The following EGFL6 variants were observed in gnomAD, a reference collection of about 807,000 sequenced individuals.
EGFL6 encodes the protein EGF like domain multiple 6.
In EGFL6, 42 loss-of-function variants were observed where a neutral mutation model predicts 43.1. The ratio of observed to expected loss-of-function variants is 0.98; its 90% CI spans 0.76 to 1.26. The LOEUF (loss-of-function observed/expected upper bound fraction) is 1.26. Ranked by LOEUF, EGFL6 falls within the 50% of genes most tolerant of loss-of-function variation. The probability of loss-of-function intolerance (pLI) is 0.00; values close to 1 mark genes in which losing one functional copy is unlikely to be tolerated. For missense variants in EGFL6, 429 were observed against 427.8 expected (o/e 1.00, Z -0.02); for synonymous variants, 164 against 163.2 (o/e 1.01, Z -0.04).
In EGFL6 at chrX:13,633,259, G is replaced by T; in HGVS notation, c.*164G>T. The T allele has an allele frequency of 2.5e-6, 1 of 400,321 alleles. No individual in the cohort carries two copies. Among genetic ancestry groups the T allele is most frequent in the Non-Finnish European group, 4.2e-6 (1 of 237,122 alleles). 33.0% of individuals were successfully genotyped at this position (400,321 alleles called of 1,213,427 possible). On this transcript the variant is annotated 3_prime_UTR_variant, in exon 12 of 12. Coordinates refer to ENST00000361306, the MANE Select transcript of EGFL6 (RefSeq NM_015507.4). ...TCTTGTATAAGATATGCCAATATTT[G>T]CTTTAAATATCATATCACTGTATCT...
chrX:13,570,482 G>A (rs151007856), intron 1 of EGFL6, among the ~76,000 whole-genome samples: 2,046 of 111,781 alleles, frequency 0.018, 40 homozygotes, highest in East Asian at 0.064. Context: ...TAGGGTTGAT[G>A]AACTGGAAAG....
intron 3 of EGFL6, chrX:13,596,650 C>G (rs745731688): frequency 9.0e-6 from 1 of 111,586 alleles, no homozygotes; most frequent in African/African-American, 3.3e-5. Context: ...ATCCTCTCGC[C>G]TCAGACTCCT....
At chrX:13,626,955 A>C in intron 10 of EGFL6, 56 bp from the exon 11 acceptor site, 2 of 1,158,081 alleles carry the variant, frequency 1.7e-6, no homozygotes, top group Middle Eastern at 4.8e-4. Context: ...TATACATTAA[A>C]GCCAAACTCC....
At chrX:13,610,106 A>G (rs1264860111) in intron 7 of EGFL6, among the ~76,000 whole-genome samples, 1 of 112,348 alleles carries the variant, frequency 8.9e-6, no homozygotes, top group Non-Finnish European at 1.9e-5. Context: ...GCACCACTGG[A>G]CAAGAGTATG....
intron 1 of EGFL6, among the ~76,000 whole-genome samples, chrX:13,583,422 G>T (rs886202626): frequency 9.0e-6 from 1 of 111,195 alleles, no homozygotes; most frequent in African/African-American, 3.3e-5. Context: ...TGCCCCTTTG[G>T]TAGGGTCATA....
intron 3 of EGFL6, among the ~76,000 whole-genome samples, chrX:13,595,621 G>A (rs1338680843): frequency 8.9e-6 from 1 of 111,855 alleles, no homozygotes; most frequent in Non-Finnish European, 1.9e-5. Context: ...ATTGTTCTCT[G>A]CATAGCCCTG....
Position 13,603,370 on chromosome X carries a change from G to A in EGFL6, c.454G>A (p.Glu152Lys). Residue 152 changes from glutamate (E) to lysine (K), a missense_variant, in exon 5 of 12, where the codon GAA (glutamate) becomes AAA (lysine). Coordinates refer to ENST00000361306, the MANE Select transcript of EGFL6 (RefSeq NM_015507.4). Reference protein sequence around the residue: ...NCQYSCEDTEEGPQCLCPSSG... With the variant: ...NCQYSCEDTEKGPQCLCPSSG... The stretch of plus-strand genomic sequence containing the variant: ...TCAGTACAGCTGTGAAGACACAGAA[G>A]AAGGGCCACAGTGCCTGTGTCCATC... The A allele has an allele frequency of 8.3e-7, 1 of 1,210,769 alleles. No individual in the cohort carries two copies. Among genetic ancestry groups the A allele is most frequent in the South Asian group, 1.8e-5 (1 of 56,819 alleles).
intron 1 of EGFL6, among the ~76,000 whole-genome samples, chrX:13,577,763 A>G (rs2045482107): frequency 8.9e-6 from 1 of 112,444 alleles, no homozygotes; most frequent in African/African-American, 3.2e-5. Flanking sequence ...AATCTTAGGT[A>G]ATAAGCCCAG....
chrX:13,617,263 A>G (rs1012940943), intron 7 of EGFL6, among the ~76,000 whole-genome samples: 3 of 112,197 alleles, frequency 2.7e-5, no homozygotes, highest in Non-Finnish European at 5.6e-5. Context: ...ACCATAAGTC[A>G]CCATTTTTGT....
At chrX:13,597,099 A>G (rs1254813674) in intron 3 of EGFL6, among the ~76,000 whole-genome samples, 1 of 112,071 alleles carries the variant, frequency 8.9e-6, no homozygotes, top group Non-Finnish European at 1.9e-5. Context: ...GCCGCTAAAC[A>G]TCCTGCAGTG....
intron 3 of EGFL6, 67 bp downstream of exon 3, chrX:13,594,995 G>T: frequency 1.2e-6 from 1 of 829,233 alleles, no homozygotes; most frequent in Non-Finnish European, 1.7e-6. Context: ...GACTCAATAT[G>T]GTACGCAGGA....
At chrX:13,620,732 G>T (rs926851840) in intron 9 of EGFL6, among the ~76,000 whole-genome samples, 1 of 111,125 alleles carries the variant, frequency 9.0e-6, no homozygotes, top group Non-Finnish European at 1.9e-5. Context: ...TTGTACAGGG[G>T]GTAAGCTACG....
chrX:13,604,999 C>G (rs2045652072), intron 5 of EGFL6, among the ~76,000 whole-genome samples: 1 of 111,367 alleles, frequency 9.0e-6, no homozygotes, highest in Non-Finnish European at 1.9e-5. Flanking sequence ...AATTTTGTCT[C>G]TACTCTGAGA....
chrX:13,618,101 T>C, intron 8 of EGFL6, 48 bp downstream of exon 8: 1 of 1,112,808 alleles, frequency 9.0e-7, no homozygotes, highest in South Asian at 2.2e-5. Flanking sequence ...TGAATTGCAA[T>C]TTCTCCTGGC....
At position 13,599,976 on chromosome X, in the gene EGFL6, T is replaced by A. The variant is rs1040665606; in HGVS notation, c.282T>A (p.Asp94Glu). 4 of 1,209,929 alleles carry A rather than the reference T, an allele frequency of 3.3e-6. No individual in the cohort carries two copies. The highest frequency in any genetic ancestry group is 2.2e-6 in the Non-Finnish European group (2 of 894,334). The change falls in exon 4 of 12, where the codon GAT (aspartate) becomes GAA (glutamate). Residue 94 changes from aspartate (D) to glutamate (E), a missense_variant and splice_region_variant. Transcript: ENST00000361306. The stretch of plus-strand genomic sequence containing the variant: ...CCTGTTTTCTAAATGTCCCTGCAGA[T>A]GTGAATGAGTGTGGAATGAAACCCC... ...PGYTGKTCSQ[D>E]VNECGMKPRP...
chrX:13,596,932 T>C (rs1393899609), intron 3 of EGFL6, among the ~76,000 whole-genome samples: 1 of 112,190 alleles, frequency 8.9e-6, no homozygotes, highest in African/African-American at 3.2e-5. Context: ...AAGTGCCTCA[T>C]TGGAGCAAGG....
chrX:13,569,819 T>A lies in EGFL6; in HGVS notation c.-43T>A. On this transcript the variant is annotated 5_prime_UTR_variant, in exon 1 of 12. Coordinates refer to ENST00000361306, the MANE Select transcript of EGFL6 (RefSeq NM_015507.4). ...CTGCTACGGGGTCCGGCCGGCGCCCTCCCGAGGGGGGCTCAGGAGGAGGAA... is the reference window on the plus strand; with the variant it reads ...CTGCTACGGGGTCCGGCCGGCGCCCACCCGAGGGGGGCTCAGGAGGAGGAA... 8.4e-7 allele frequency: 1 copy of A among 1,196,562 alleles called. No homozygotes were observed. The highest frequency in any genetic ancestry group is 1.1e-6 in the Non-Finnish European group (1 of 882,812).
intron 7 of EGFL6, among the ~76,000 whole-genome samples, chrX:13,615,884 G>C (rs756463115): frequency 2.8e-4 from 31 of 111,529 alleles, no homozygotes; most frequent in Non-Finnish European, 4.9e-4. Flanking sequence ...AGCAGGAGAA[G>C]AGGTTAAAAC....
At chrX:13,583,069 T>C (rs975303857) in intron 1 of EGFL6, among the ~76,000 whole-genome samples, 10 of 110,669 alleles carry the variant, frequency 9.0e-5, no homozygotes, top group Non-Finnish European at 1.9e-4. Context: ...GTCTGAAGCC[T>C]GCAGGAGGGA....
Sources: allele counts gnomAD v4.1 joint callset (sites outside exome capture counted in the v4.1 genomes callset), GRCh38; gene constraint gnomAD v4.1.1; transcripts MANE v1.5; gene names NCBI Gene and HGNC (gene_info 2026-07-23, HGNC 2026-07-21).